Variants in LINGO2 observed in about 807,000 individuals in gnomAD.
LINGO2 encodes leucine rich repeat and Ig domain containing 2.
LINGO2 carries 14 observed loss-of-function variants against 30.6 expected under a neutral mutation model. The observed-to-expected ratio is 0.46, with a 90% CI of 0.30 to 0.72. The LOEUF (loss-of-function observed/expected upper bound fraction) is 0.72, where lower values mean the gene tolerates loss of function less well. Among genes scored for constraint, LINGO2 ranks in the 30% least tolerant of loss-of-function variants. The pLI, the probability that LINGO2 is intolerant of heterozygous loss-of-function variation, is 0.07. For missense variants in LINGO2, 729 were observed against 751.7 expected (o/e 0.97, Z 0.35); for synonymous variants, 317 against 288.5 (o/e 1.10, Z -1.00).
At chr9:29,158,052 G>A in the LINGO2 span, among the ~76,000 whole-genome samples, 4 of 152,056 alleles carry the variant, frequency 2.6e-5, no homozygotes, top group Admixed American at 6.6e-5. Context: ...ATAAGATTAA[G>A]AGATTCTAGG....
chr9:29,077,391 A>G, the LINGO2 span, among the ~76,000 whole-genome samples: 1 of 152,052 alleles, frequency 6.6e-6, no homozygotes, highest in Non-Finnish European at 1.5e-5. Flanking sequence ...AAATGTCCTG[A>G]ATTTATAGCT....
the LINGO2 span, among the ~76,000 whole-genome samples, chr9:29,162,428 A>T: frequency 6.6e-6 from 1 of 152,352 alleles, no homozygotes; most frequent in East Asian, 1.9e-4. Flanking sequence ...ACCTTCTGTA[A>T]TAGGTTATAA....
chr9:27,993,561 A>G (rs949686885), intron 5 of LINGO2, among the ~76,000 whole-genome samples: 3 of 152,174 alleles, frequency 2.0e-5, no homozygotes, highest in Non-Finnish European at 4.4e-5. Context: ...AAAAAAGTTC[A>G]TATCTAGCCA....
chr9:29,047,849 C>T, the LINGO2 span, among the ~76,000 whole-genome samples: 1 of 151,962 alleles, frequency 6.6e-6, no homozygotes, highest in Non-Finnish European at 1.5e-5. Context: ...GCCCATAATC[C>T]CAGCACTTTG....
intron 1 of LINGO2, among the ~76,000 whole-genome samples, chr9:28,509,957 C>A (rs1178366422): frequency 6.6e-6 from 1 of 152,178 alleles, no homozygotes; most frequent in Non-Finnish European, 1.5e-5. Context: ...ACAATCATTG[C>A]AATAATTCGT....
At chr9:28,505,155 C>A (rs919678176) in intron 1 of LINGO2, among the ~76,000 whole-genome samples, 4 of 151,740 alleles carry the variant, frequency 2.6e-5, no homozygotes, top group Non-Finnish European at 5.9e-5. Context: ...AATGATTTGG[C>A]CATACCTATT....
In LINGO2 at chr9:28,359,267, T is replaced by A. The variant is rs1357074074; in HGVS notation, c.-246+13569A>T. Among the ~76,000 whole-genome samples the A allele has an allele frequency of 2.0e-5, 3 of 152,156 alleles. 1 individual carries two copies. Among genetic ancestry groups the A allele is most frequent in the Admixed American group, 1.3e-4 (2 of 15,272 alleles). On this transcript the variant is annotated intron_variant, in intron 3 of 5. Transcript: ENST00000379992. ...GTCACAACTGCTTCATTTTTTCATT[T>A]TAACCCTCACTGGATGCAGACAGTG... is the stretch of plus-strand genomic sequence containing the variant.
At chr9:28,638,039 G>T (rs1276011924) in intron 1 of LINGO2, among the ~76,000 whole-genome samples, 1 of 152,142 alleles carries the variant, frequency 6.6e-6, no homozygotes, top group East Asian at 1.9e-4. Flanking sequence ...GAAGGTTGTT[G>T]AATTTTGTCA....
intron 3 of LINGO2, among the ~76,000 whole-genome samples, chr9:28,323,151 G>A (rs1189045372): frequency 2.0e-5 from 3 of 152,100 alleles, no homozygotes; most frequent in Non-Finnish European, 4.4e-5. Flanking sequence ...AGTTTAATAT[G>A]TTATATATGC....
the LINGO2 span, among the ~76,000 whole-genome samples, chr9:28,793,537 T>G: frequency 6.6e-6 from 1 of 152,190 alleles, no homozygotes; most frequent in African/African-American, 2.4e-5. Context: ...TACATAGCAG[T>G]TACATGCCAT....
chr9:28,003,945 A>G (rs1822121190), intron 5 of LINGO2, among the ~76,000 whole-genome samples: 1 of 152,244 alleles, frequency 6.6e-6, no homozygotes. Flanking sequence ...AGGAAATGCA[A>G]ACATTGCTGG....
chr9:29,098,993 A>T, the LINGO2 span, among the ~76,000 whole-genome samples: 1 of 152,192 alleles, frequency 6.6e-6, no homozygotes, highest in African/African-American at 2.4e-5. Context: ...CTTCAGAGCT[A>T]TAGTAACCAA....
At chr9:27,998,140 C>T (rs912629974) in intron 5 of LINGO2, among the ~76,000 whole-genome samples, 14 of 151,890 alleles carry the variant, frequency 9.2e-5, no homozygotes, top group Admixed American at 2.0e-4. Context: ...TCTCTTGCTA[C>T]TTGAATCTGA....
At chr9:29,142,098 A>G in the LINGO2 span, among the ~76,000 whole-genome samples, 3 of 151,930 alleles carry the variant, frequency 2.0e-5, no homozygotes, top group African/African-American at 7.2e-5. Context: ...TGGCAGCAGA[A>G]TACACATTTT....
chr9:28,650,462 G>T (rs1828044955), intron 1 of LINGO2, among the ~76,000 whole-genome samples: 1 of 152,026 alleles, frequency 6.6e-6, no homozygotes, highest in African/African-American at 2.4e-5. Flanking sequence ...CTTATGGATG[G>T]TCCCCAAAGC....
At chr9:28,398,786 T>A (rs1822151106) in intron 2 of LINGO2, among the ~76,000 whole-genome samples, 1 of 152,142 alleles carries the variant, frequency 6.6e-6, no homozygotes, top group South Asian at 2.1e-4. Context: ...TCTTTATATT[T>A]TTATTGATTC....
At chr9:28,744,402 T>C in the LINGO2 span, among the ~76,000 whole-genome samples, 1 of 152,016 alleles carries the variant, frequency 6.6e-6, no homozygotes, top group African/African-American at 2.4e-5. Flanking sequence ...CCTTGCCTGT[T>C]TCCTTTCACA....
chr9:28,171,520 G>C (rs1828581054), intron 4 of LINGO2, among the ~76,000 whole-genome samples: 1 of 151,980 alleles, frequency 6.6e-6, no homozygotes, highest in South Asian at 2.1e-4. Flanking sequence ...AAGCTCTCAA[G>C]AACACTAAAA....
chr9:28,725,436 G>A, the LINGO2 span, among the ~76,000 whole-genome samples: 2 of 151,536 alleles, frequency 1.3e-5, no homozygotes, highest in Non-Finnish European at 2.9e-5. Context: ...CAATATAAAG[G>A]CAATGAATGA....
Sources: gnomAD v4.1 joint callset for allele counts (sites outside exome capture counted in the v4.1 genomes callset) on GRCh38, gnomAD v4.1.1 for gene constraint, MANE v1.5 for transcripts, NCBI Gene and HGNC (gene_info 2026-07-23, HGNC 2026-07-21) for gene names.